Variants in OSBPL8 observed in about 807,000 individuals in gnomAD.
The protein encoded by OSBPL8 is oxysterol-binding protein-related protein 8.
Under a neutral mutation model 125.5 loss-of-function variants are expected in OSBPL8, and 59 were observed. That is an observed-to-expected ratio of 0.47 (90% CI 0.38 to 0.58). The LOEUF is 0.58. Among genes scored for constraint, OSBPL8 ranks in the 20% least tolerant of loss-of-function variants. The pLI is 0.00. For missense variants in OSBPL8, 758 were observed against 1,047.8 expected (o/e 0.72, Z 3.82); for synonymous variants, 330 against 338.9 (o/e 0.97, Z 0.29).
At chr12:76,451,169 C>G (rs1873362810) in intron 3 of OSBPL8, among the ~76,000 whole-genome samples, 181 bp from the exon 4 acceptor site, 1 of 151,908 alleles carries the variant, frequency 6.6e-6, no homozygotes, top group African/African-American at 2.4e-5. Flanking sequence ...GTTACTGATC[C>G]AAGAAGAACT....
In OSBPL8 at chr12:76,355,735, TAA is replaced by T; in HGVS notation, c.*152_*153del. 1.4e-6 allele frequency: 1 copy of T among 727,534 alleles called. No homozygotes were observed. Among genetic ancestry groups the T allele is most frequent in the Non-Finnish European group, 2.1e-6 (1 of 465,678 alleles). 45.1% of individuals were successfully genotyped at this position (727,534 alleles called of 1,614,324 possible). A position where few individuals can be genotyped will look rare whatever the true frequency, so the allele number is the denominator to read the frequency against. On this transcript the variant is annotated 3_prime_UTR_variant, in exon 24 of 24. Coordinates refer to ENST00000261183, the MANE Select transcript of OSBPL8 (RefSeq NM_020841.5). ...GATAGCTCTTGTTTCAGTGTGAAGA[TAA>T]AAGATACGAAAAGTCAATACCTCTA... is the stretch of plus-strand genomic sequence containing the variant.
intron 5 of OSBPL8, among the ~76,000 whole-genome samples, chr12:76,408,544 A>G (rs569487226): frequency 4.0e-5 from 6 of 151,712 alleles, no homozygotes; most frequent in African/African-American, 1.4e-4. Context: ...GAGAGTCAAG[A>G]TTCAAATTGA....
intron 1 of OSBPL8, among the ~76,000 whole-genome samples, chr12:76,524,370 A>G (rs1950106701): frequency 6.6e-6 from 1 of 152,226 alleles, no homozygotes; most frequent in South Asian, 2.1e-4. Flanking sequence ...TTAGCATCCT[A>G]TAACTACTGA....
chr12:76,390,808 A>C, intron 10 of OSBPL8, 151 bp from the exon 11 acceptor site: 1 of 594,070 alleles, frequency 1.7e-6, no homozygotes, highest in Non-Finnish European at 3.0e-6. Flanking sequence ...CTTAATCTTC[A>C]AAATAACCCT....
chr12:76,433,669 A>G (rs892214821), intron 4 of OSBPL8, among the ~76,000 whole-genome samples: 1 of 152,064 alleles, frequency 6.6e-6, no homozygotes, highest in Non-Finnish European at 1.5e-5. Flanking sequence ...TCCCAATGCC[A>G]TTCCTTAAAA....
chr12:76,403,710 A>G (rs1954141823), intron 5 of OSBPL8, among the ~76,000 whole-genome samples: 1 of 152,354 alleles, frequency 6.6e-6, no homozygotes, highest in Admixed American at 6.5e-5. Flanking sequence ...AGCAGTGCCA[A>G]GAAAGTATAC....
In OSBPL8 at chr12:76,559,736, G is replaced by C. The variant is rs906483082; in HGVS notation, c.-407C>G. 2.0e-5 allele frequency: 3 copies of C among 152,308 alleles called. No individual in the cohort carries two copies. The highest frequency in any genetic ancestry group is 4.4e-5 in the Non-Finnish European group (3 of 68,156). 9.4% of individuals were successfully genotyped at this position (152,308 alleles called of 1,614,324 possible). A position where few individuals can be genotyped will look rare whatever the true frequency, so the allele number is the denominator to read the frequency against. ...GCCGCCTGGCCAGGAGCGCGTCGCG[G>C]CCTAATGTTGTCATCCGCCGCGTCG... On this transcript the variant is annotated 5_prime_UTR_variant, in exon 1 of 24. Transcript: ENST00000261183.
intron 2 of OSBPL8, among the ~76,000 whole-genome samples, chr12:76,474,784 G>A (rs78305449): frequency 4.1e-4 from 63 of 152,260 alleles, no homozygotes; most frequent in Middle Eastern, 3.4e-3. Flanking sequence ...CACCCAGCCC[G>A]AAATTAAATT....
At position 76,355,995 on chromosome 12, in the gene OSBPL8, A is replaced by G. The variant is rs1951968969; in HGVS notation, c.2564T>C (p.Leu855Ser). 1 of 1,611,974 alleles carries G rather than the reference A, an allele frequency of 6.2e-7. No individual in the cohort carries two copies. The highest frequency in any genetic ancestry group is 8.5e-7 in the Non-Finnish European group (1 of 1,179,248). ...KRNIMALRNH[L>S]VSSTPATDYF... ...ATCCGTGGCCGGTGTGCTTGAAACT[A>G]AATGATTTCGAAGAGCCATAATATT... The change falls in exon 24 of 24, where the codon TTA becomes TCA. Residue 855 changes from leucine to serine, a missense_variant. Coordinates refer to ENST00000261183, the MANE Select transcript of OSBPL8 (RefSeq NM_020841.5).
intron 1 of OSBPL8, among the ~76,000 whole-genome samples, chr12:76,536,096 G>A (rs1034513747): frequency 6.6e-6 from 1 of 152,020 alleles, no homozygotes; most frequent in Admixed American, 6.6e-5. Context: ...TATTGGGGGG[G>A]TGTGAGGTGG....
intron 1 of OSBPL8, among the ~76,000 whole-genome samples, chr12:76,533,587 CA>C (rs1001818565): frequency 6.6e-6 from 1 of 152,124 alleles, no homozygotes; most frequent in Admixed American, 6.6e-5. Flanking sequence ...ACCAGCCCTC[CA>C]AAAGCACTTA....
chr12:76,379,310 G>A (rs552770198), intron 15 of OSBPL8, among the ~76,000 whole-genome samples: 71 of 152,198 alleles, frequency 4.7e-4, no homozygotes, highest in Admixed American at 1.8e-3. Flanking sequence ...TGCAGTCAAC[G>A]ATAAAATACT....
Position 76,487,495 on chromosome 12 carries a change from A to T in OSBPL8, c.42+15T>A, listed in dbSNP as rs770702103. On this transcript the variant is annotated intron_variant, in intron 2 of 23. Coordinates refer to ENST00000261183, the MANE Select transcript of OSBPL8 (RefSeq NM_020841.5). ...TTACAGATGATAGAACCTATGTCAT[A>T]TATGAACTACTCACCGAAGTTCGAT... 6.3e-7 allele frequency: 1 copy of T among 1,590,264 alleles called. No homozygotes were observed. The highest frequency in any genetic ancestry group is 1.4e-5 in the African/African-American group (1 of 73,524).
chr12:76,459,353 T>C (rs1874428694), intron 3 of OSBPL8, among the ~76,000 whole-genome samples: 1 of 152,148 alleles, frequency 6.6e-6, no homozygotes, highest in African/African-American at 2.4e-5. Context: ...CTCAGTAAAA[T>C]GTGTTGAGGT....
At chr12:76,385,023 T>C (rs1338629965) in intron 14 of OSBPL8, among the ~76,000 whole-genome samples, 2 of 152,280 alleles carry the variant, frequency 1.3e-5, no homozygotes, top group East Asian at 1.9e-4. Context: ...TGAATGACTA[T>C]AGGAAACAAA....
At chr12:76,506,202 G>A (rs895723509) in intron 1 of OSBPL8, among the ~76,000 whole-genome samples, 2 of 152,226 alleles carry the variant, frequency 1.3e-5, no homozygotes, top group Non-Finnish European at 2.9e-5. Context: ...GGGGCCATTA[G>A]CAGGTATGCA....
intron 1 of OSBPL8, among the ~76,000 whole-genome samples, chr12:76,547,453 T>C (rs1950813211): frequency 6.6e-6 from 1 of 151,880 alleles, no homozygotes; most frequent in African/African-American, 2.4e-5. Context: ...AATAAAACAA[T>C]GCTAGCAAAT....
chr12:76,405,384 A>C (rs1954215085), intron 5 of OSBPL8, among the ~76,000 whole-genome samples: 1 of 152,114 alleles, frequency 6.6e-6, no homozygotes, highest in Non-Finnish European at 1.5e-5. Flanking sequence ...ACCCGAGCCT[A>C]GGAGTTTGAG....
intron 2 of OSBPL8, among the ~76,000 whole-genome samples, 171 bp downstream of exon 2, chr12:76,487,337 CTG>C (rs1350033294): frequency 1.3e-5 from 2 of 152,010 alleles, no homozygotes; most frequent in African/African-American, 4.8e-5. Flanking sequence ...AGCTAGCTAT[CTG>C]TAATTTTCAT....
Sources: gnomAD v4.1 joint callset for allele counts (sites outside exome capture counted in the v4.1 genomes callset) on GRCh38, gnomAD v4.1.1 for gene constraint, MANE v1.5 for transcripts, NCBI Gene and HGNC (gene_info 2026-07-23, HGNC 2026-07-21) for gene names.